The following ACSL1 variants were observed in gnomAD, a reference collection of about 807,000 sequenced individuals.
ACSL1 encodes acyl-CoA synthetase long chain family member 1.
ACSL1 carries 41 observed loss-of-function variants against 98.4 expected under a neutral mutation model. That is an observed-to-expected ratio of 0.42 (90% CI 0.32 to 0.54). The LOEUF (loss-of-function observed/expected upper bound fraction) is 0.54. Among genes scored for constraint, ACSL1 ranks in the 20% least tolerant of loss-of-function variants. ACSL1 has a pLI of 0.13. For missense variants in ACSL1, 734 were observed against 883.1 expected, an observed-to-expected ratio of 0.83 and a Z score of 2.14; for synonymous variants, 316 against 322.7, an observed-to-expected ratio of 0.98 and a Z score of 0.22.
chr4:184,816,499 AAG>A (rs1772648512), intron 1 of ACSL1, among the ~76,000 whole-genome samples: 1 of 152,138 alleles, frequency 6.6e-6, no homozygotes, highest in Non-Finnish European at 1.5e-5. Flanking sequence ...CAGAAAGAAA[AAG>A]AGACTATGCA....
At chr4:184,779,204 G>A (rs898493809) in intron 5 of ACSL1, among the ~76,000 whole-genome samples, 5 of 152,188 alleles carry the variant, frequency 3.3e-5, no homozygotes, top group Non-Finnish European at 7.4e-5. Flanking sequence ...CGTGTTGTGG[G>A]AGGGACCCTG....
At chr4:184,771,183 G>C in intron 10 of ACSL1, among the ~76,000 whole-genome samples, 1 of 152,158 alleles carries the variant, frequency 6.6e-6, no homozygotes, top group Middle Eastern at 3.4e-3. Flanking sequence ...CCATGACAAA[G>C]TAAATCCACT....
intron 6 of ACSL1, 44 bp from the exon 7 acceptor site, chr4:184,776,706 A>G: frequency 6.3e-7 from 1 of 1,583,910 alleles, no homozygotes; most frequent in Non-Finnish European, 8.6e-7. Flanking sequence ...CTGGGATGTT[A>G]AAAGATTCAC....
At chr4:184,785,606 C>G (rs11323129) in intron 3 of ACSL1, among the ~76,000 whole-genome samples, 1,988 of 5,984 alleles carry the variant, frequency 0.33, 134 homozygotes, top group Non-Finnish European at 0.47. Flanking sequence ...TGGGCGGGGG[C>G]GGGGGGGGGG....
In ACSL1 at chr4:184,757,421, A is replaced by G. The variant is rs1762257215; in HGVS notation, c.1957-156T>C. Among the ~76,000 whole-genome samples the G allele has an allele frequency of 6.6e-6, 1 of 152,324 alleles. No individual in the cohort carries two copies. The highest frequency in any genetic ancestry group is 6.5e-5 in the Admixed American group (1 of 15,306). Reference sequence around the variant, plus strand: ...CTTCTCAACAAAGGACAGGCATCCTATTCTTAGGATAGGATTCGGGATCAT... The same window carrying G: ...CTTCTCAACAAAGGACAGGCATCCTGTTCTTAGGATAGGATTCGGGATCAT... On this transcript the variant is annotated intron_variant, in intron 20 of 20. Coordinates refer to ENST00000281455, the MANE Select transcript of ACSL1 (RefSeq NM_001995.5). This position sits in a 1 kb window ranked among gnomAD's most constrained non-coding sequence, Gnocchi z 4.5.
intron 4 of ACSL1, 60 bp downstream of exon 4, chr4:184,783,867 C>T (rs1766747098): frequency 2.0e-6 from 3 of 1,482,164 alleles, no homozygotes; most frequent in Middle Eastern, 1.7e-4. Context: ...CAAGAATGCA[C>T]ATACAGAAGC....
chr4:184,777,781 AAG>A (rs59773222), intron 5 of ACSL1, among the ~76,000 whole-genome samples: 4 of 151,314 alleles, frequency 2.6e-5, no homozygotes, highest in African/African-American at 4.9e-5. Flanking sequence ...AAGAGAAAGA[AAG>A]AGAGAGAGAG....
At chr4:184,808,805 G>C (rs567438732) in intron 1 of ACSL1, among the ~76,000 whole-genome samples, 2 of 152,336 alleles carry the variant, frequency 1.3e-5, no homozygotes, top group African/African-American at 4.8e-5. Flanking sequence ...TAGAGAGAGG[G>C]AGGTACGGCA....
chr4:184,792,793 C>G (rs1370470352), intron 2 of ACSL1, among the ~76,000 whole-genome samples: 1 of 151,978 alleles, frequency 6.6e-6, no homozygotes, highest in Non-Finnish European at 1.5e-5. Flanking sequence ...GTGTTAGCAA[C>G]CTTAGTTATA....
chr4:184,826,090 G>A (rs1773473412), upstream of ACSL1: 1 of 146,830 alleles, frequency 6.8e-6, no homozygotes, highest in Admixed American at 6.8e-5. Flanking sequence ...CGCCGCGCCG[G>A]CCCCGCCCTC....
chr4:184,795,731 G>A (rs1426613819), intron 2 of ACSL1, among the ~76,000 whole-genome samples: 2 of 152,168 alleles, frequency 1.3e-5, no homozygotes, highest in African/African-American at 4.8e-5. Context: ...AGGTCTTACA[G>A]TCTCTTAGAA....
chr4:184,787,932 C>T (rs1205126361), intron 3 of ACSL1, among the ~76,000 whole-genome samples: 1 of 151,940 alleles, frequency 6.6e-6, no homozygotes, highest in Non-Finnish European at 1.5e-5. Context: ...CTTTGGGAGG[C>T]TGAGGCAGGA....
At chr4:184,787,957 C>T (rs1464711436) in intron 3 of ACSL1, among the ~76,000 whole-genome samples, 1 of 151,994 alleles carries the variant, frequency 6.6e-6, no homozygotes, top group East Asian at 1.9e-4. Flanking sequence ...CACTTGAGGT[C>T]AGAAGTTTGA....
Position 184,765,972 on chromosome 4 carries a change from T to TC in ACSL1, c.1277dup (p.Arg427LysfsTer30), listed in dbSNP as rs1763534803. 6.2e-7 allele frequency: 1 copy of TC among 1,613,620 alleles called. No individual in the cohort carries two copies. Among genetic ancestry groups the TC allele is most frequent in the South Asian group, 1.1e-5 (1 of 91,070 alleles). ...CTCCTGTCACCATCAGCCGGACTCT[T>TC]CCGCCCAGGCTCGACTTTCAGGGAG... On this transcript the variant is annotated frameshift_variant, in exon 14 of 21. Coordinates refer to ENST00000281455, the MANE Select transcript of ACSL1 (RefSeq NM_001995.5). LOFTEE classifies it high-confidence loss of function.
chr4:184,762,623 A>G (rs1271998983), intron 16 of ACSL1, 100 bp from the exon 17 acceptor site: 10 of 1,054,890 alleles, frequency 9.5e-6, no homozygotes, highest in Admixed American at 1.8e-5. Flanking sequence ...CCCAACCTTT[A>G]GCTGGAAGCC....
chr4:184,773,574 C>T lies in ACSL1; in HGVS notation c.841+89G>A. 2 of 1,274,254 alleles carry T rather than the reference C, an allele frequency of 1.6e-6. No individual in the cohort carries two copies. Among genetic ancestry groups the T allele is most frequent in the Non-Finnish European group, 2.2e-6 (2 of 912,744 alleles). 78.9% of individuals were successfully genotyped at this position (1,274,254 alleles called of 1,614,324 possible). A position where few individuals can be genotyped will look rare whatever the true frequency, so the allele number is the denominator to read the frequency against. On this transcript the variant is annotated intron_variant, in intron 9 of 20. Transcript: ENST00000281455. This position sits in a 1 kb window ranked among gnomAD's most constrained non-coding sequence, Gnocchi z 4.3. The stretch of plus-strand genomic sequence containing the variant: ...TTCTCTTCTGCTTTTGGTCCGTCTA[C>T]TGTTAGCTGATAAGTCATCCAAAAG...
chr4:184,757,333 C>A lies in ACSL1; in HGVS notation c.1957-68G>T. On this transcript the variant is annotated intron_variant, in intron 20 of 20. Transcript: ENST00000281455. This position sits in a 1 kb window ranked among gnomAD's most constrained non-coding sequence, Gnocchi z 4.5. ...GCCACCAGTCTCAAAAGCACGTAAGCCTTGGAGGGGATCAACACTCTCCAG... is the reference window on the plus strand; with the variant it reads ...GCCACCAGTCTCAAAAGCACGTAAGACTTGGAGGGGATCAACACTCTCCAG... 6.5e-7 allele frequency: 1 copy of A among 1,533,312 alleles called. No individual in the cohort carries two copies. Among genetic ancestry groups the A allele is most frequent in the Non-Finnish European group, 8.8e-7 (1 of 1,134,942 alleles). The allele number at this position is 1,533,312 out of a possible 1,614,324, so 95.0% of individuals were successfully genotyped here. A position where few individuals can be genotyped will look rare whatever the true frequency, so the allele number is the denominator to read the frequency against.
At chr4:184,814,727 A>G (rs1772465185) in intron 1 of ACSL1, among the ~76,000 whole-genome samples, 1 of 152,174 alleles carries the variant, frequency 6.6e-6, no homozygotes, top group Non-Finnish European at 1.5e-5. Context: ...CACCTGCTCC[A>G]CGAAGGATTT....
rs1287956622 is a variant in ACSL1, at chr4:184,771,288, C to T, written c.916-812G>A. On this transcript the variant is annotated intron_variant, in intron 10 of 20. Transcript: ENST00000281455. The stretch of plus-strand genomic sequence containing the variant: ...AGTTAGTATTTCATCACTACAGTAT[C>T]CTAGTACCCAGCAAGTTCAATTTTA... Among the ~76,000 whole-genome samples, 3 of 152,178 alleles carry T rather than the reference C, an allele frequency of 2.0e-5. 1 individual carries two copies. Among genetic ancestry groups the T allele is most frequent in the South Asian group, 4.2e-4 (2 of 4,814 alleles).
Sources: gnomAD v4.1 joint callset for allele counts (sites outside exome capture counted in the v4.1 genomes callset) on GRCh38, gnomAD v4.1.1 for gene constraint, Gnocchi (gnomAD v3.1) non-coding constraint, MANE v1.5 for transcripts, NCBI Gene and HGNC (gene_info 2026-07-23, HGNC 2026-07-21) for gene names.